Variants in RND3 observed in about 807,000 individuals in gnomAD.
RND3 encodes Rho family GTPase 3, also known as rho-related GTP-binding protein RhoE.
RND3 carries 8 observed loss-of-function variants against 26.5 expected under a neutral mutation model. The observed-to-expected ratio is 0.30, with a 90% confidence interval of 0.18 to 0.54. RND3 has a LOEUF of 0.54. RND3 is among the 20% of genes least tolerant of loss of function. The probability of loss-of-function intolerance (pLI) is 0.94; values close to 1 mark genes in which losing one functional copy is unlikely to be tolerated. For synonymous variants in RND3, 113 were observed against 113.0 expected, an observed-to-expected ratio of 1.00 and a Z score of 0.00; for missense variants, 207 against 302.8, an observed-to-expected ratio of 0.68 and a Z score of 2.35.
intron 3 of RND3, among the ~76,000 whole-genome samples, chr2:150,476,063 AC>A (rs1441329199): frequency 9.9e-5 from 15 of 152,200 alleles, no homozygotes; most frequent in Admixed American, 1.3e-4. Context: ...CTGACATTTC[AC>A]AAGCATCACA....
intron 3 of RND3, among the ~76,000 whole-genome samples, chr2:150,477,911 G>A (rs1033140014): frequency 6.6e-6 from 1 of 152,146 alleles, no homozygotes; most frequent in Non-Finnish European, 1.5e-5. Context: ...CTAATGAACA[G>A]TGCTGCTTTT....
Position 150,470,095 on chromosome 2 carries a change from T to C in RND3, c.627A>G (p.Lys209=). 2.5e-6 allele frequency: 4 copies of C among 1,614,090 alleles called. No individual in the cohort carries two copies. Among genetic ancestry groups the C allele is most frequent in the Middle Eastern group, 1.6e-4 (1 of 6,062 alleles). ...NKTNKNVKRN[K]SQRATKRISH... is the part of the protein sequence containing the mutation. The stretch of plus-strand genomic sequence containing the variant: ...AAATCCGCTTTGTGGCTCTCTGTGA[T>C]TTGTTCCGCTTAACGTTTTTATTTG... Residue 209 remains lysine, a synonymous_variant, in exon 6 of 6, where the codon AAA becomes AAG. Coordinates refer to ENST00000263895, the MANE Select transcript of RND3 (RefSeq NM_005168.5).
At chr2:150,482,722 C>A (rs924786353) in intron 3 of RND3, among the ~76,000 whole-genome samples, 2 of 7,158 alleles carry the variant, frequency 2.8e-4, no homozygotes, top group African/African-American at 1.2e-3. Context: ...GTGCAATGGG[C>A]GGGGGTGGGG....
intron 3 of RND3, among the ~76,000 whole-genome samples, chr2:150,478,712 T>C (rs1245055005): frequency 6.6e-6 from 1 of 151,948 alleles, no homozygotes; most frequent in Non-Finnish European, 1.5e-5. Flanking sequence ...AGTATGAAAG[T>C]ATTCAACTTT....
chr2:150,477,975 G>C (rs1276406048), intron 3 of RND3, among the ~76,000 whole-genome samples: 2 of 152,030 alleles, frequency 1.3e-5, no homozygotes, highest in African/African-American at 4.8e-5. Context: ...ATATTTCTTA[G>C]TTATAAGCAT....
At chr2:150,487,121 A>G (rs1367400159) in intron 2 of RND3, 147 bp downstream of exon 2, 35 of 692,566 alleles carry the variant, frequency 5.1e-5, no homozygotes, top group South Asian at 9.4e-5. Flanking sequence ...CAGTCTAATC[A>G]GGGGAAAGTA....
chr2:150,469,299 C>T lies in RND3; in HGVS notation c.*688G>A, dbSNP rs1437874121. The T allele has an allele frequency of 6.6e-6, 1 of 152,522 alleles. No homozygotes were observed. The highest frequency in any genetic ancestry group is 2.4e-5 in the African/African-American group (1 of 41,434). 9.4% of individuals were successfully genotyped at this position (152,522 alleles called of 1,614,324 possible). A position where few individuals can be genotyped will look rare whatever the true frequency, so the allele number is the denominator to read the frequency against. On this transcript the variant is annotated 3_prime_UTR_variant, in exon 6 of 6. Coordinates refer to ENST00000263895, the MANE Select transcript of RND3 (RefSeq NM_005168.5). ...AACCATCAGACTGAATAAAAATCGA[C>T]ATTTTTTTTCCTATTTGATCTATGC...
chr2:150,478,271 T>C (rs1686201959), intron 3 of RND3, among the ~76,000 whole-genome samples: 1 of 151,826 alleles, frequency 6.6e-6, no homozygotes, highest in African/African-American at 2.4e-5. Context: ...CAGTGTTTAC[T>C]CTGTGTTTAA....
At chr2:150,471,323 C>T (rs952222926) in intron 5 of RND3, among the ~76,000 whole-genome samples, 1 of 152,136 alleles carries the variant, frequency 6.6e-6, no homozygotes, top group African/African-American at 2.4e-5. Context: ...TATTGTACTG[C>T]CGACTGTAAA....
intron 3 of RND3, among the ~76,000 whole-genome samples, chr2:150,479,158 A>G (rs964627628): frequency 6.6e-6 from 1 of 151,802 alleles, no homozygotes; most frequent in African/African-American, 2.4e-5. Context: ...AGCTTTTGAA[A>G]TTTCAGATCT....
At chr2:150,471,905 C>T (rs1686093326) in intron 4 of RND3, 144 bp from the exon 5 acceptor site, 10 of 662,336 alleles carry the variant, frequency 1.5e-5, no homozygotes, top group Middle Eastern at 3.6e-4. Flanking sequence ...AAGAAGCAAA[C>T]TTTGCATTTA....
In RND3 at chr2:150,469,355, C is replaced by A. The variant is rs2105214769; in HGVS notation, c.*632G>T. 1 of 152,696 alleles carries A rather than the reference C, an allele frequency of 6.5e-6. No individual in the cohort carries two copies. The highest frequency in any genetic ancestry group is 2.1e-4 in the South Asian group (1 of 4,830). 9.5% of individuals were successfully genotyped at this position (152,696 alleles called of 1,614,324 possible). Reference sequence around the variant, plus strand: ...TTGTAGTGCTGGTCTACAAATCTTGCAAGATTGCAAAGGCTTTCCTTAGAA... The same window carrying A: ...TTGTAGTGCTGGTCTACAAATCTTGAAAGATTGCAAAGGCTTTCCTTAGAA... On this transcript the variant is annotated 3_prime_UTR_variant, in exon 6 of 6. Coordinates refer to ENST00000263895, the MANE Select transcript of RND3 (RefSeq NM_005168.5).
chr2:150,472,015 C>T (rs1476541741), intron 4 of RND3: 2 of 395,704 alleles, frequency 5.1e-6, no homozygotes, highest in Non-Finnish European at 9.2e-6. Context: ...TCTGTTGCTA[C>T]TGAAAGAGAC....
intron 3 of RND3, 144 bp from the exon 4 acceptor site, chr2:150,475,128 A>G (rs1686144475): frequency 3.4e-6 from 2 of 586,398 alleles, no homozygotes; most frequent in Non-Finnish European, 6.2e-6. Context: ...AAAGAATTCA[A>G]ACAGACACAC....
chr2:150,480,779 C>A (rs1381338757), intron 3 of RND3, among the ~76,000 whole-genome samples: 1 of 152,164 alleles, frequency 6.6e-6, no homozygotes, highest in Non-Finnish European at 1.5e-5. Context: ...TCTCCAAATG[C>A]AGTTTTATGT....
In RND3 at chr2:150,471,752, C is replaced by T. The variant is rs1411768721; in HGVS notation, c.358G>A (p.Glu120Lys). The change falls in exon 5 of 6, where the codon GAA (glutamate) becomes AAA (lysine). Residue 120 changes from glutamate to lysine, a missense_variant. Coordinates refer to ENST00000263895, the MANE Select transcript of RND3 (RefSeq NM_005168.5). ...GTATTTGGACAAAATTCCTGGATTT[C>T]ACCTTTCCACTATGAAAGAAAAAAA... ...LDSVLKKWKG[E>K]IQEFCPNTKM... 1.3e-6 allele frequency: 2 copies of T among 1,591,408 alleles called. No individual in the cohort carries two copies. The highest frequency in any genetic ancestry group is 1.7e-6 in the Non-Finnish European group (2 of 1,172,782).
Position 150,486,551 on chromosome 2 carries a change from T to C in RND3, c.238+143A>G. On this transcript the variant is annotated intron_variant, in intron 3 of 5. Coordinates refer to ENST00000263895, the MANE Select transcript of RND3 (RefSeq NM_005168.5). This position sits in a 1 kb window ranked among gnomAD's most constrained non-coding sequence, Gnocchi z 4.5. ...GTCTGCCGCCCCCACCCAGAAGGGA[T>C]ACAATTTTCGCCCAACAGGGACCGT... 1.4e-6 allele frequency: 1 copy of C among 729,954 alleles called. No homozygotes were observed. The highest frequency in any genetic ancestry group is 2.5e-6 in the Non-Finnish European group (1 of 399,592). The allele number at this position is 729,954 out of a possible 1,614,324, so 45.2% of individuals were successfully genotyped here. A position where few individuals can be genotyped will look rare whatever the true frequency, so the allele number is the denominator to read the frequency against.
intron 3 of RND3, among the ~76,000 whole-genome samples, chr2:150,477,169 T>C (rs1312604678): frequency 6.6e-6 from 1 of 152,110 alleles, no homozygotes; most frequent in African/African-American, 2.4e-5. Context: ...GAGATCTCCT[T>C]TCCCAGAAAT....
Position 150,471,768 on chromosome 2 carries a change from A to T in RND3, c.349-7T>A. ...CCTGGATTTCACCTTTCCACTATGAAAGAAAAAAAAAAAAGATTAAAAATG... is the reference window on the plus strand; with the variant it reads ...CCTGGATTTCACCTTTCCACTATGATAGAAAAAAAAAAAAGATTAAAAATG... On this transcript the variant is annotated splice_region_variant and splice_polypyrimidine_tract_variant and intron_variant, in intron 4 of 5. Coordinates refer to ENST00000263895, the MANE Select transcript of RND3 (RefSeq NM_005168.5). 6.9e-7 allele frequency: 1 copy of T among 1,454,482 alleles called. No individual in the cohort carries two copies. The highest frequency in any genetic ancestry group is 9.0e-7 in the Non-Finnish European group (1 of 1,106,246). The allele number at this position is 1,454,482 out of a possible 1,614,324, so 90.1% of individuals were successfully genotyped here. A position where few individuals can be genotyped will look rare whatever the true frequency, so the allele number is the denominator to read the frequency against.
Sources: gnomAD v4.1 joint callset for allele counts (sites outside exome capture counted in the v4.1 genomes callset) on GRCh38, gnomAD v4.1.1 for gene constraint, Gnocchi (gnomAD v3.1) non-coding constraint, MANE v1.5 for transcripts, NCBI Gene and HGNC (gene_info 2026-07-23, HGNC 2026-07-21) for gene names.